Variants in CECR2 observed in about 807,000 individuals in gnomAD.
CECR2 encodes chromatin remodeling regulator CECR2.
In CECR2, 30 loss-of-function variants were observed where a neutral mutation model predicts 154.5. The ratio of observed to expected loss-of-function variants is 0.19; its 90% confidence interval spans 0.15 to 0.26. The LOEUF (loss-of-function observed/expected upper bound fraction) is 0.26. CECR2 is among the 10% of genes least tolerant of loss of function. The pLI, the probability that CECR2 is intolerant of heterozygous loss-of-function variation, is 1.00. For missense variants in CECR2, 1,743 were observed against 1,829.3 expected, an observed-to-expected ratio of 0.95 and a Z score of 0.86; for synonymous variants, 725 against 683.7, an observed-to-expected ratio of 1.06 and a Z score of -0.94.
At chr22:17,535,740 AT>A (rs200664450) in intron 9 of CECR2, among the ~76,000 whole-genome samples, 34 of 151,696 alleles carry the variant, frequency 2.2e-4, no homozygotes, top group African/African-American at 7.5e-4. Context: ...GAAAAAAAAA[AT>A]AATTTTTAAA....
chr22:17,414,186 A>G (rs555888215), intron 1 of CECR2, among the ~76,000 whole-genome samples: 244 of 151,374 alleles, frequency 1.6e-3, no homozygotes, highest in Admixed American at 3.9e-3. Context: ...GTTAGCCAGG[A>G]TGGTCTCGAT....
At chr22:17,501,611 C>T (rs1306508903) in intron 5 of CECR2, among the ~76,000 whole-genome samples, 1 of 152,158 alleles carries the variant, frequency 6.6e-6, no homozygotes, top group African/African-American at 2.4e-5. Flanking sequence ...CAATCAGCAT[C>T]CACTTAACTT....
At chr22:17,389,556 C>A (rs955626161) in intron 1 of CECR2, among the ~76,000 whole-genome samples, 35 of 152,148 alleles carry the variant, frequency 2.3e-4, no homozygotes, top group African/African-American at 8.4e-4. Flanking sequence ...AGCAATCCTT[C>A]TGACTCAGCC....
intron 1 of CECR2, among the ~76,000 whole-genome samples, chr22:17,435,201 T>G (rs1274206373): frequency 6.6e-6 from 1 of 152,056 alleles, no homozygotes; most frequent in East Asian, 1.9e-4. Flanking sequence ...TTTTCTTTCT[T>G]TCTTTCTTTT....
At chr22:17,503,773 G>A (rs1372682550) in intron 6 of CECR2, among the ~76,000 whole-genome samples, 2 of 152,120 alleles carry the variant, frequency 1.3e-5, no homozygotes, top group Admixed American at 6.6e-5. Flanking sequence ...AGAGGCCATT[G>A]TGGCGGCTCA....
chr22:17,534,037 A>G (rs1447067052), intron 9 of CECR2, among the ~76,000 whole-genome samples: 2 of 152,122 alleles, frequency 1.3e-5, no homozygotes, highest in Non-Finnish European at 1.5e-5. Context: ...GAAAACTTGC[A>G]AAAACAATAC....
intron 1 of CECR2, among the ~76,000 whole-genome samples, chr22:17,471,196 C>T (rs959905400): frequency 6.6e-6 from 1 of 152,184 alleles, no homozygotes; most frequent in African/African-American, 2.4e-5. Flanking sequence ...ACCGTGGAAC[C>T]CAGGGAACAC....
chr22:17,476,937 G>A (rs2055217606), intron 1 of CECR2, among the ~76,000 whole-genome samples: 1 of 152,164 alleles, frequency 6.6e-6, no homozygotes, highest in Non-Finnish European at 1.5e-5. Flanking sequence ...GGAATACCGT[G>A]TCGAGGCAAG....
intron 1 of CECR2, among the ~76,000 whole-genome samples, chr22:17,466,221 G>C (rs909744037): frequency 1.3e-5 from 2 of 152,186 alleles, no homozygotes; most frequent in Admixed American, 1.3e-4. Context: ...CAGAGCGCCT[G>C]GCCTTCCGCT....
At chr22:17,394,197 CTTTTTTTTT>C (rs71200271) in intron 1 of CECR2, among the ~76,000 whole-genome samples, 3 of 97,088 alleles carry the variant, frequency 3.1e-5, no homozygotes, top group South Asian at 3.5e-4. Context: ...GCTGCCGCTG[CTTTTTTTTT>C]TTTTTTTTTT....
At chr22:17,462,768 C>G (rs908966067) in intron 1 of CECR2, among the ~76,000 whole-genome samples, 2 of 152,128 alleles carry the variant, frequency 1.3e-5, no homozygotes, top group African/African-American at 4.8e-5. Flanking sequence ...CAAAAATCAG[C>G]TGGGTGTGGT....
chr22:17,511,186 C>T (rs1226498148), intron 7 of CECR2, among the ~76,000 whole-genome samples: 1 of 152,218 alleles, frequency 6.6e-6, no homozygotes, highest in East Asian at 1.9e-4. Context: ...AATTGCAAAA[C>T]TTACATGTGC....
At chr22:17,407,326 T>C (rs1210241652) in intron 1 of CECR2, among the ~76,000 whole-genome samples, 1 of 152,222 alleles carries the variant, frequency 6.6e-6, no homozygotes, top group Non-Finnish European at 1.5e-5. Context: ...CCGGGTGCGG[T>C]GGCTCACGCC....
intron 1 of CECR2, among the ~76,000 whole-genome samples, chr22:17,476,834 T>C (rs1442796385): frequency 6.6e-6 from 1 of 152,220 alleles, no homozygotes; most frequent in Non-Finnish European, 1.5e-5. Context: ...AATACCTGCT[T>C]ATTTTGGGGG....
At chr22:17,387,264 G>GC (rs1314648133) in intron 1 of CECR2, among the ~76,000 whole-genome samples, 1 of 152,178 alleles carries the variant, frequency 6.6e-6, no homozygotes, top group Non-Finnish European at 1.5e-5. Flanking sequence ...AGCTGTACCT[G>GC]CCCCTCCTTG....
intron 1 of CECR2, among the ~76,000 whole-genome samples, chr22:17,400,633 T>C (rs978247137): frequency 2.0e-5 from 3 of 152,198 alleles, no homozygotes; most frequent in East Asian, 3.8e-4. Context: ...AGACAGAAAG[T>C]CTGAGAAGGG....
rs374917660 is a variant in CECR2 at position 17,549,559 on chromosome 22, A to G, written c.4272A>G (p.Pro1424=). The G allele has an allele frequency of 1.2e-5, 19 of 1,582,998 alleles. No individual in the cohort carries two copies. Among genetic ancestry groups the G allele is most frequent in the Non-Finnish European group, 1.5e-5 (18 of 1,163,680 alleles). ...IRGPFQEMYR[P]SGMQMHPVQS... ...GACCTTTCCAGGAAATGTACAGACC[A>G]TCAGGGTAAGATTGCATTCAGGCTT... The change falls in exon 17 of 19, where the codon CCA becomes CCG. Residue 1424 remains proline (P), a synonymous_variant. Transcript: ENST00000262608.
Position 17,540,586 on chromosome 22 carries a change from C to G in CECR2, c.1670C>G (p.Ser557Cys). 1.2e-6 allele frequency: 2 copies of G among 1,613,094 alleles called. No homozygotes were observed. The highest frequency in any genetic ancestry group is 1.1e-5 in the South Asian group (1 of 90,836). The change falls in exon 14 of 19, where the codon TCC becomes TGC. Residue 557 changes from serine (S) to cysteine (C), a missense_variant. Coordinates refer to ENST00000262608, the MANE Select transcript of CECR2 (RefSeq NM_001290047.2). ...GGTGGGAGCCATGTTTGGACCCGCT[C>G]CAGGGACCCAGAAGGGTCCAGCAGG... ...RSGGSHVWTR[S>C]RDPEGSSRKQ...
chr22:17,504,872 T>A lies in CECR2; in HGVS notation c.726T>A (p.Thr242=). 1 of 1,613,898 alleles carries A rather than the reference T, an allele frequency of 6.2e-7. No homozygotes were observed. Residue 242 remains threonine (T), a synonymous_variant, in exon 7 of 19, where the codon ACT becomes ACA. Coordinates refer to ENST00000262608, the MANE Select transcript of CECR2 (RefSeq NM_001290047.2). ...RHGSQGPGQG[T]WWLLCQTEEE... is the part of the protein sequence containing the mutation. ...GGTCCCAAGGGCCAGGCCAAGGTAC[T>A]TGGTGGCTCCTGTGCCAGACAGAAG...
Sources: gnomAD v4.1 joint callset for allele counts (sites outside exome capture counted in the v4.1 genomes callset) on GRCh38, gnomAD v4.1.1 for gene constraint, MANE v1.5 for transcripts, NCBI Gene and HGNC (gene_info 2026-07-23, HGNC 2026-07-21) for gene names.